The following STXBP4 variants were observed in gnomAD, a reference collection of about 807,000 sequenced individuals.
STXBP4 encodes the protein syntaxin binding protein 4, also known as syntaxin-binding protein 4.
STXBP4 carries 55 observed loss-of-function variants against 76.1 expected under a neutral mutation model. The ratio of observed to expected loss-of-function variants is 0.72; its 90% CI spans 0.58 to 0.91. STXBP4 has a LOEUF of 0.91. Among genes scored for constraint, STXBP4 ranks in the 40% least tolerant of loss-of-function variants. The probability of loss-of-function intolerance (pLI) is 0.00; values close to 1 mark genes in which losing one functional copy is unlikely to be tolerated. For missense variants in STXBP4, 618 were observed against 636.9 expected (o/e 0.97, Z 0.32); for synonymous variants, 201 against 220.2 (o/e 0.91, Z 0.77).
the STXBP4 span, among the ~76,000 whole-genome samples, chr17:55,185,338 C>CCTCCTCCTCCTCCTCCTCCTCCTCCTT: frequency 1.5e-5 from 2 of 135,928 alleles, no homozygotes; most frequent in Non-Finnish European, 3.1e-5. Flanking sequence ...TCCTCCTCCT[C>CCTCCTCCTCCTCCTCCTCCTCCTCCTT]CTCCTCCTCC....
At chr17:54,997,016 A>G (rs894869218) in intron 4 of STXBP4, among the ~76,000 whole-genome samples, 20 of 152,218 alleles carry the variant, frequency 1.3e-4, no homozygotes, top group African/African-American at 3.9e-4. Flanking sequence ...TGCTTGGCAC[A>G]TTGCCTCCCA....
In STXBP4 at chr17:55,145,552, T is replaced by A. The variant is rs74716171; in HGVS notation, c.1547+4185T>A. ...ATGTCCAGATGAACATAATCCTCATTGACTATCCCTGCCCATCCACATGTC... is the reference window on the plus strand; with the variant it reads ...ATGTCCAGATGAACATAATCCTCATAGACTATCCCTGCCCATCCACATGTC... On this transcript the variant is annotated intron_variant, in intron 17 of 17. Transcript: ENST00000376352. Among the ~76,000 whole-genome samples the A allele has an allele frequency of 7.9e-5, 12 of 152,328 alleles. No individual in the cohort carries two copies. The East Asian group carries it at 2.1e-3, about 27-fold the overall frequency.
rs2145199399 is a variant in STXBP4, at chr17:55,161,731, A to G, written c.*1820A>G. ...TTATTTATTGGGCATTTTGTGCCAT[A>G]CATGGTGATGAGCAGTTTGCATATA... is the stretch of plus-strand genomic sequence containing the variant. On this transcript the variant is annotated 3_prime_UTR_variant, in exon 18 of 18. Transcript: ENST00000376352. 1 of 152,350 alleles carries G rather than the reference A, an allele frequency of 6.6e-6. No homozygotes were observed. The highest frequency in any genetic ancestry group is 1.5e-5 in the Non-Finnish European group (1 of 68,042). 9.4% of individuals were successfully genotyped at this position (152,350 alleles called of 1,614,324 possible).
At chr17:55,180,071 C>G in the STXBP4 span, among the ~76,000 whole-genome samples, 1 of 152,152 alleles carries the variant, frequency 6.6e-6, no homozygotes, top group Non-Finnish European at 1.5e-5. Context: ...TGACATGAAG[C>G]CCTGCCACAT....
At chr17:55,185,122 C>T in the STXBP4 span, among the ~76,000 whole-genome samples, 33 of 152,216 alleles carry the variant, frequency 2.2e-4, no homozygotes, top group African/African-American at 7.2e-4. Context: ...CTGCCCATCT[C>T]GGCCTCCCAA....
intron 8 of STXBP4, among the ~76,000 whole-genome samples, chr17:55,020,750 A>G (rs916814272): frequency 2.0e-5 from 3 of 152,176 alleles, no homozygotes; most frequent in Non-Finnish European, 4.4e-5. Context: ...CCCAGGAGGC[A>G]GAGTTGCAGT....
At chr17:54,976,519 C>T (rs915389537) in intron 1 of STXBP4, among the ~76,000 whole-genome samples, 1 of 152,170 alleles carries the variant, frequency 6.6e-6, no homozygotes, top group South Asian at 2.1e-4. Context: ...CAATATGATA[C>T]CAGACCCTTC....
rs1363116243 is a variant in STXBP4, at chr17:55,166,354, C to G, written c.*6443C>G. 3 of 152,184 alleles carry G rather than the reference C, an allele frequency of 2.0e-5. No homozygotes were observed. The highest frequency in any genetic ancestry group is 2.9e-5 in the Non-Finnish European group (2 of 68,036). The allele number at this position is 152,184 out of a possible 1,614,324, so 9.4% of individuals were successfully genotyped here. ...ATAGCTTCTTCCTTCTCCACCACAC[C>G]TGTCCCCATCAATCTACCCATCACA... On this transcript the variant is annotated 3_prime_UTR_variant, in exon 18 of 18. Transcript: ENST00000376352.
At chr17:55,047,258 A>G (rs2078803424) in intron 12 of STXBP4, 104 bp downstream of exon 12, 2 of 641,916 alleles carry the variant, frequency 3.1e-6, no homozygotes, top group East Asian at 2.9e-5. Flanking sequence ...GTTCTTTACA[A>G]TATCCCAGAG....
chr17:55,006,080 A>G (rs905819207), intron 7 of STXBP4, among the ~76,000 whole-genome samples: 2 of 152,116 alleles, frequency 1.3e-5, no homozygotes, highest in African/African-American at 4.8e-5. Flanking sequence ...ACAATTAGGT[A>G]TCATGATTAC....
Position 55,018,706 on chromosome 17 carries a change from T to A in STXBP4, c.666+11109T>A, listed in dbSNP as rs537369310. Among the ~76,000 whole-genome samples the A allele has an allele frequency of 9.9e-5, 15 of 152,202 alleles. No homozygotes were observed. In the South Asian group the frequency reaches 3.1e-3, roughly 32 times the overall value. ...AGGCGGTGGAGTTAAGAGCAATGTT[T>A]TGGGGGCAGGGGGTGGATCTCACAA... On this transcript the variant is annotated intron_variant, in intron 8 of 17. Transcript: ENST00000376352.
chr17:54,997,812 T>G (rs1156655419), intron 4 of STXBP4, among the ~76,000 whole-genome samples: 1 of 149,326 alleles, frequency 6.7e-6, no homozygotes, highest in Non-Finnish European at 1.5e-5. Context: ...GGTCTTGAAC[T>G]CCTGGGCTCA....
rs8073411 is a variant in STXBP4 at position 55,020,053 on chromosome 17, C to G, written c.667-11115C>G. Among the ~76,000 whole-genome samples, 1,121 of 152,190 alleles carry G rather than the reference C, an allele frequency of 7.4e-3. 16 individuals carry two copies. The highest frequency in any genetic ancestry group is 0.025 in the African/African-American group (1,050 of 41,524). On this transcript the variant is annotated intron_variant, in intron 8 of 17. Coordinates refer to ENST00000376352, the MANE Select transcript of STXBP4 (RefSeq NM_178509.6). Reference sequence around the variant, plus strand: ...GCTTCGTAAATCTGAAGATTTATATCTTTTTTAGGTTCTACAAAATTCTCA... The same window carrying G: ...GCTTCGTAAATCTGAAGATTTATATGTTTTTTAGGTTCTACAAAATTCTCA...
intron 16 of STXBP4, among the ~76,000 whole-genome samples, chr17:55,129,130 G>C (rs777363297): frequency 4.6e-5 from 7 of 151,440 alleles, no homozygotes; most frequent in Non-Finnish European, 7.4e-5. Flanking sequence ...GGGTTTCACC[G>C]TGTTGGCCAG....
chr17:55,167,626 A>C lies in STXBP4; in HGVS notation c.*7715A>C, dbSNP rs542452878. The C allele has an allele frequency of 1.3e-5, 2 of 152,366 alleles. No homozygotes were observed. Among genetic ancestry groups the C allele is most frequent in the African/African-American group, 4.8e-5 (2 of 41,590 alleles). 9.4% of individuals were successfully genotyped at this position (152,366 alleles called of 1,614,324 possible). A position where few individuals can be genotyped will look rare whatever the true frequency, so the allele number is the denominator to read the frequency against. On this transcript the variant is annotated 3_prime_UTR_variant, in exon 18 of 18. Transcript: ENST00000376352. Reference sequence around the variant, plus strand: ...CAGAATGATTTTGGTATAGAAGGGTAGATAAAGCCTGAAACCAAAATACAA... The same window carrying C: ...CAGAATGATTTTGGTATAGAAGGGTCGATAAAGCCTGAAACCAAAATACAA...
intron 16 of STXBP4, among the ~76,000 whole-genome samples, chr17:55,127,605 A>T (rs560839722): frequency 7.9e-5 from 12 of 152,068 alleles, no homozygotes; most frequent in Non-Finnish European, 1.5e-4. Flanking sequence ...TAAGTTTATA[A>T]CTCTTTAATG....
intron 10 of STXBP4, among the ~76,000 whole-genome samples, chr17:55,040,199 A>T (rs538634430): frequency 6.6e-6 from 1 of 152,330 alleles, no homozygotes; most frequent in East Asian, 1.9e-4. Flanking sequence ...TATATAACAA[A>T]GAAGAAAGTT....
At chr17:55,159,764 T>A (rs550266061) in intron 17 of STXBP4, 33 bp from the exon 18 acceptor site, 3 of 1,435,378 alleles carry the variant, frequency 2.1e-6, no homozygotes, top group East Asian at 4.6e-5. Flanking sequence ...GGACAGTCTT[T>A]CAGATTCTAA....
chr17:55,058,746 G>T (rs1029795040), intron 12 of STXBP4, among the ~76,000 whole-genome samples: 3 of 152,000 alleles, frequency 2.0e-5, no homozygotes, highest in Admixed American at 6.6e-5. Context: ...TATGAAATAC[G>T]TTTCCCAGTA....
Sources: allele counts gnomAD v4.1 joint callset (sites outside exome capture counted in the v4.1 genomes callset), GRCh38; gene constraint gnomAD v4.1.1; transcripts MANE v1.5; gene names NCBI Gene and HGNC (gene_info 2026-07-23, HGNC 2026-07-21).